Variants in SIPA1L2 observed in about 807,000 individuals in gnomAD.
SIPA1L2 encodes the protein signal induced proliferation associated 1 like 2.
In SIPA1L2, 56 loss-of-function variants were observed where a neutral mutation model predicts 163.9. That is an observed-to-expected ratio of 0.34 (90% CI 0.28 to 0.43). The LOEUF (loss-of-function observed/expected upper bound fraction) is 0.43. Among genes scored for constraint, SIPA1L2 ranks in the 20% least tolerant of loss-of-function variants. SIPA1L2 has a pLI of 1.00. For missense variants in SIPA1L2, 1,974 were observed against 2,193.5 expected, an observed-to-expected ratio of 0.90 and a Z score of 2.00; for synonymous variants, 877 against 865.7, an observed-to-expected ratio of 1.01 and a Z score of -0.23.
intron 16 of SIPA1L2, among the ~76,000 whole-genome samples, chr1:232,431,128 C>T (rs1030452279): frequency 3.3e-5 from 5 of 152,134 alleles, no homozygotes; most frequent in African/African-American, 1.2e-4. Context: ...ACTACGGCGA[C>T]ATATAAAATG....
chr1:232,598,710 T>C (rs1184447540), intron 1 of SIPA1L2, among the ~76,000 whole-genome samples: 1 of 152,108 alleles, frequency 6.6e-6, no homozygotes, highest in Non-Finnish European at 1.5e-5. Flanking sequence ...CTTGGGCATC[T>C]TATAGGGGCA....
At chr1:232,559,753 A>G (rs1658924679) in intron 2 of SIPA1L2, among the ~76,000 whole-genome samples, 1 of 152,148 alleles carries the variant, frequency 6.6e-6, no homozygotes, top group Non-Finnish European at 1.5e-5. Context: ...ATTACTTTTA[A>G]TAGGTTACCT....
chr1:232,458,629 ACAGATAAAAGACTTGATACAAAGG>A (rs1169269141), intron 10 of SIPA1L2, among the ~76,000 whole-genome samples: 7 of 152,218 alleles, frequency 4.6e-5, no homozygotes, highest in Non-Finnish European at 1.0e-4. Flanking sequence ...GGCTGCTAGG[ACAGATAAAAGACTTGATACAAAGG>A]CAGATAAAAG....
chr1:232,500,342 A>G (rs1185986566), intron 3 of SIPA1L2, among the ~76,000 whole-genome samples: 2 of 152,222 alleles, frequency 1.3e-5, no homozygotes, highest in African/African-American at 2.4e-5. Flanking sequence ...TTGTAAGGCT[A>G]TAGCCGCCAT....
intron 6 of SIPA1L2, among the ~76,000 whole-genome samples, chr1:232,481,385 T>C (rs1665348724): frequency 6.6e-6 from 1 of 152,052 alleles, no homozygotes; most frequent in African/African-American, 2.4e-5. Context: ...GCTGTCAGGG[T>C]GGTTCAAATT....
chr1:232,592,303 T>A (rs765459932), intron 1 of SIPA1L2, among the ~76,000 whole-genome samples: 1 of 152,208 alleles, frequency 6.6e-6, no homozygotes, highest in Non-Finnish European at 1.5e-5. Flanking sequence ...GAAGACAATT[T>A]TCCTCCGCTA....
intron 2 of SIPA1L2, among the ~76,000 whole-genome samples, chr1:232,547,588 T>TG (rs58061760): frequency 0.18 from 460 of 2,542 alleles, 4 homozygotes; most frequent in Middle Eastern, 0.33. Context: ...GGGTGGGGGC[T>TG]GGGGGGGGCA....
chr1:232,415,581 A>T lies in SIPA1L2; in HGVS notation c.4675T>A (p.Cys1559Ser), dbSNP rs1215432895. ...AGGGGCATCAGGCCAGGATCTGCGC[A>T]CTTGGACTTATCTGATAAGGACCCA... ...SDGSLSDKSK[C>S]ADPGLMPLPD... The change falls in exon 19 of 23, where the codon TGC (cysteine) becomes AGC (serine). Residue 1559 changes from cysteine to serine, a missense_variant. By Grantham distance (112) the Cys-to-Ser change is moderately radical. This residue lies in a region of SIPA1L2 where 1,079 missense variants were observed against 1,150.7 expected (regional missense o/e 0.94). Coordinates refer to ENST00000674635, the MANE Select transcript of SIPA1L2 (RefSeq NM_020808.5). 1.9e-6 allele frequency: 3 copies of T among 1,613,898 alleles called. No individual in the cohort carries two copies. Among genetic ancestry groups the T allele is most frequent in the Non-Finnish European group, 2.5e-6 (3 of 1,179,954 alleles).
chr1:232,461,278 A>G, intron 9 of SIPA1L2, 117 bp from the exon 10 acceptor site: 1 of 1,295,004 alleles, frequency 7.7e-7, no homozygotes, highest in Non-Finnish European at 1.1e-6. Context: ...CTCGCAGCCC[A>G]GCCTGTCTCT....
At chr1:232,624,105 C>T (rs1327105533) in intron 1 of SIPA1L2, among the ~76,000 whole-genome samples, 4 of 152,078 alleles carry the variant, frequency 2.6e-5, no homozygotes, top group Non-Finnish European at 5.9e-5. Context: ...TACACACACA[C>T]AAACGTGCAT....
At chr1:232,545,892 G>C (rs1416030070) in intron 2 of SIPA1L2, among the ~76,000 whole-genome samples, 2 of 152,160 alleles carry the variant, frequency 1.3e-5, no homozygotes, top group Non-Finnish European at 2.9e-5. Context: ...TCCTTTAAGA[G>C]TTAAACATAT....
At chr1:232,503,410 T>C (rs946496741) in intron 3 of SIPA1L2, among the ~76,000 whole-genome samples, 3 of 152,188 alleles carry the variant, frequency 2.0e-5, no homozygotes, top group Non-Finnish European at 4.4e-5. Context: ...TACGGTGATA[T>C]CTTAGAAGAG....
chr1:232,446,704 T>C (rs1663237332), intron 10 of SIPA1L2, among the ~76,000 whole-genome samples: 1 of 152,250 alleles, frequency 6.6e-6, no homozygotes, highest in South Asian at 2.1e-4. Context: ...CTGTCTGTAG[T>C]TCCTCCTTAT....
rs1663291137 is a variant in SIPA1L2 at position 232,629,847 on chromosome 1, C to G, written c.-319+22G>C. On this transcript the variant is annotated intron_variant, in intron 1 of 22. Transcript: ENST00000674635. ...CCGAACCGACCCTCGCCACGCTGCC[C>G]GTCGGATTCCCCGACACGAACCTTC... Among the ~76,000 whole-genome samples the G allele has an allele frequency of 2.6e-5, 4 of 152,072 alleles. No homozygotes were observed. In the South Asian group the frequency reaches 6.2e-4, roughly 24 times the overall value.
chr1:232,485,086 G>A (rs1474591538), intron 5 of SIPA1L2, among the ~76,000 whole-genome samples: 2 of 152,178 alleles, frequency 1.3e-5, no homozygotes, highest in African/African-American at 2.4e-5. Context: ...CAGACATCAG[G>A]AAACATTTAC....
chr1:232,522,124 T>C (rs12753793), intron 2 of SIPA1L2, among the ~76,000 whole-genome samples: 139,911 of 152,188 alleles, frequency 0.92, 65,037 homozygotes, highest in African/African-American at 0.99. Flanking sequence ...GTCAATTTCT[T>C]CATCTTGACT....
At chr1:232,580,533 C>G (rs923481714) in intron 1 of SIPA1L2, among the ~76,000 whole-genome samples, 2 of 152,118 alleles carry the variant, frequency 1.3e-5, no homozygotes, top group African/African-American at 2.4e-5. Context: ...TGGCCAAAAA[C>G]AGGTTATGAT....
At chr1:232,620,722 C>T (rs180826042) in intron 1 of SIPA1L2, among the ~76,000 whole-genome samples, 12 of 152,282 alleles carry the variant, frequency 7.9e-5, no homozygotes, top group South Asian at 2.1e-4. Context: ...TGGCAAACTG[C>T]CAGTTTTAAA....
At chr1:232,446,384 A>G (rs6684091) in intron 10 of SIPA1L2, among the ~76,000 whole-genome samples, 53,693 of 151,962 alleles carry the variant, frequency 0.35, 10,934 homozygotes, top group East Asian at 0.56. Flanking sequence ...CTAAGCAAAT[A>G]TTCGTCATTT....
Sources: allele counts gnomAD v4.1 joint callset (sites outside exome capture counted in the v4.1 genomes callset), GRCh38; gene constraint gnomAD v4.1.1; regional missense constraint gnomAD v4.1.1; transcripts MANE v1.5; gene names NCBI Gene and HGNC (gene_info 2026-07-23, HGNC 2026-07-21).